NRAP: variants seen among roughly 807,000 people sequenced by gnomAD.
NRAP encodes the protein nebulin related anchoring protein.
A neutral mutation model predicts 225.9 loss-of-function variants in NRAP; 189 were observed. That is an observed-to-expected ratio of 0.84 (90% CI 0.74 to 0.94). The LOEUF (loss-of-function observed/expected upper bound fraction) is 0.94. Ranked by LOEUF, NRAP falls within the 40% of genes least tolerant of loss-of-function variation. The pLI is 0.00. For synonymous variants in NRAP, 769 were observed against 790.7 expected (o/e 0.97, Z 0.46); for missense variants, 2,176 against 2,168.7 (o/e 1.00, Z -0.07).
chr10:113,617,625 T>C (rs1395335703), intron 25 of NRAP, 72 bp from the exon 26 acceptor site: 2 of 911,362 alleles, frequency 2.2e-6, no homozygotes, highest in African/African-American at 3.2e-5. Context: ...GAGAAAATCA[T>C]AGGTTGCTTG....
intron 40 of NRAP, among the ~76,000 whole-genome samples, chr10:113,590,223 C>T (rs1845882145): frequency 6.6e-6 from 1 of 152,126 alleles, no homozygotes; most frequent in African/African-American, 2.4e-5. Flanking sequence ...CACAGCAAAC[C>T]AAAAGGGGTT....
chr10:113,601,224 A>G (rs1846579843), intron 35 of NRAP, among the ~76,000 whole-genome samples: 2 of 152,248 alleles, frequency 1.3e-5, no homozygotes, highest in Admixed American at 6.5e-5. Flanking sequence ...GGAATGAACC[A>G]TAGCCACGAG....
intron 40 of NRAP, 112 bp downstream of exon 40, chr10:113,590,466 C>A: frequency 9.7e-7 from 1 of 1,035,664 alleles, no homozygotes; most frequent in Non-Finnish European, 1.4e-6. Flanking sequence ...GTCTTGGATT[C>A]TCTCTCAGCC....
chr10:113,617,568 A>G lies in NRAP; in HGVS notation c.2875-15T>C, dbSNP rs777576314. Reference sequence around the variant, plus strand: ...CGGTACTTCTTCTGTTGAGCAGAAAAAGATCAAAGCTGTGAATTTTGTGCT... The same window carrying G: ...CGGTACTTCTTCTGTTGAGCAGAAAGAGATCAAAGCTGTGAATTTTGTGCT... On this transcript the variant is annotated splice_polypyrimidine_tract_variant and intron_variant, in intron 25 of 41. Coordinates refer to ENST00000359988, the MANE Select transcript of NRAP (RefSeq NM_198060.4). 8 of 1,513,526 alleles carry G rather than the reference A, an allele frequency of 5.3e-6. No individual in the cohort carries two copies. Among genetic ancestry groups the G allele is most frequent in the Non-Finnish European group, 1.8e-6 (2 of 1,088,296 alleles). 93.8% of individuals were successfully genotyped at this position (1,513,526 alleles called of 1,614,324 possible). A position where few individuals can be genotyped will look rare whatever the true frequency, so the allele number is the denominator to read the frequency against.
chr10:113,649,494 T>C (rs1849804764), intron 9 of NRAP, among the ~76,000 whole-genome samples: 1 of 152,246 alleles, frequency 6.6e-6, no homozygotes, highest in Non-Finnish European at 1.5e-5. Flanking sequence ...ATAATTAGCT[T>C]GTGATTGTCA....
intron 35 of NRAP, among the ~76,000 whole-genome samples, chr10:113,598,550 T>C (rs1469930208): frequency 6.6e-6 from 1 of 152,026 alleles, no homozygotes; most frequent in Non-Finnish European, 1.5e-5. Context: ...TTTCTCTCTG[T>C]GATACTCGAA....
chr10:113,589,040 C>G lies in NRAP; in HGVS notation c.5128G>C (p.Gly1710Arg), dbSNP rs1010793575. 6.2e-7 allele frequency: 1 copy of G among 1,614,106 alleles called. No homozygotes were observed. The highest frequency in any genetic ancestry group is 8.5e-7 in the Non-Finnish European group (1 of 1,180,038). ...EAVEAGDHQSGEVNPDATEIL... is the reference protein window; with the variant it reads ...EAVEAGDHQSREVNPDATEIL... ...TCAGTGGCATCTGGGTTCACCTCCCCACTCTGATGATCTCCAGCCTCCACT... is the reference window on the plus strand; with the variant it reads ...TCAGTGGCATCTGGGTTCACCTCCCGACTCTGATGATCTCCAGCCTCCACT... The change falls in exon 42 of 42, where the codon GGG (glycine) becomes CGG (arginine). Residue 1710 changes from glycine (G) to arginine (R), a missense_variant. This residue lies in a region of NRAP where 445 missense variants were observed against 426.1 expected (regional missense o/e 1.04). Transcript: ENST00000359988.
At chr10:113,614,147 G>T in intron 29 of NRAP, 36 bp downstream of exon 29, 1 of 1,378,154 alleles carries the variant, frequency 7.3e-7, no homozygotes. Context: ...GTCAGGTGGG[G>T]GCCCTGCAGC....
intron 29 of NRAP, among the ~76,000 whole-genome samples, chr10:113,613,502 C>T (rs532938471): frequency 1.3e-5 from 2 of 152,152 alleles, no homozygotes; most frequent in Non-Finnish European, 2.9e-5. Context: ...TATATAAAAG[C>T]GTTTAGCCTC....
At position 113,663,450 on chromosome 10, in the gene NRAP, GA is replaced by G. The variant is rs781142996; in HGVS notation, c.73-5del. ...GAAAACAGGCTTTATGCCATATCTA[GA>G]AATCATATAGAGAAGATTTAGCAAT... On this transcript the variant is annotated splice_polypyrimidine_tract_variant and splice_region_variant and intron_variant, in intron 1 of 41. Transcript: ENST00000359988. 27 of 1,557,372 alleles carry G rather than the reference GA, an allele frequency of 1.7e-5. No individual in the cohort carries two copies. The highest frequency in any genetic ancestry group is 2.4e-5 in the Non-Finnish European group (27 of 1,128,674).
At chr10:113,602,095 C>A (rs556810649) in intron 35 of NRAP, among the ~76,000 whole-genome samples, 2 of 152,206 alleles carry the variant, frequency 1.3e-5, no homozygotes, top group Non-Finnish European at 2.9e-5. Context: ...CCAGGCTAGT[C>A]TCGAACTTCT....
At chr10:113,619,045 GC>G (rs1405831400) in intron 25 of NRAP, among the ~76,000 whole-genome samples, 1 of 152,190 alleles carries the variant, frequency 6.6e-6, no homozygotes, top group African/African-American at 2.4e-5. Context: ...GCTGAAAGAT[GC>G]CTTGCCTTAC....
chr10:113,591,028 C>T, intron 39 of NRAP, 139 bp from the exon 40 acceptor site: 1 of 674,372 alleles, frequency 1.5e-6, no homozygotes, highest in Admixed American at 2.8e-5. Context: ...TTCAAATAGA[C>T]CTATCTGTGT....
At position 113,592,399 on chromosome 10, in the gene NRAP, T is replaced by C. The variant is rs1434518849; in HGVS notation, c.4537-98A>G. 4 of 735,626 alleles carry C rather than the reference T, an allele frequency of 5.4e-6. No individual in the cohort carries two copies. In the Admixed American group the frequency reaches 9.9e-5, roughly 18 times the overall value. 45.6% of individuals were successfully genotyped at this position (735,626 alleles called of 1,614,324 possible). On this transcript the variant is annotated intron_variant, in intron 38 of 41. Coordinates refer to ENST00000359988, the MANE Select transcript of NRAP (RefSeq NM_198060.4). ...AGGAGTGGTTCTTAACCTTTGTTGG[T>C]TCCTAGGACGGCACAGCCTATAGCT...
intron 14 of NRAP, among the ~76,000 whole-genome samples, chr10:113,637,574 T>G (rs1848947001): frequency 6.6e-6 from 1 of 152,300 alleles, no homozygotes; most frequent in South Asian, 2.1e-4. Flanking sequence ...GACCTAGAAA[T>G]AACGAAGTGC....
At position 113,624,943 on chromosome 10, in the gene NRAP, A is replaced by G. The variant is rs1225643343; in HGVS notation, c.2245-13T>C. On this transcript the variant is annotated splice_polypyrimidine_tract_variant and intron_variant, in intron 21 of 41. Transcript: ENST00000359988. Reference sequence around the variant, plus strand: ...CCTTGTAGGCCACCTGTTGGGAAAGAGCACTGAGTCAGGAGCAGGTGGCAA... The same window carrying G: ...CCTTGTAGGCCACCTGTTGGGAAAGGGCACTGAGTCAGGAGCAGGTGGCAA... 6.3e-7 allele frequency: 1 copy of G among 1,582,872 alleles called. No individual in the cohort carries two copies. The highest frequency in any genetic ancestry group is 2.2e-5 in the East Asian group (1 of 44,744).
At chr10:113,624,555 C>T (rs1336459287) in intron 22 of NRAP, among the ~76,000 whole-genome samples, 1 of 152,208 alleles carries the variant, frequency 6.6e-6, no homozygotes, top group Non-Finnish European at 1.5e-5. Context: ...GCTGTTTCAA[C>T]TCTGGCACCT....
intron 34 of NRAP, among the ~76,000 whole-genome samples, chr10:113,605,417 C>T (rs1027003975): frequency 1.3e-5 from 2 of 152,184 alleles, no homozygotes; most frequent in African/African-American, 2.4e-5. Flanking sequence ...AGATGTGTTC[C>T]GGCTGTATTG....
At position 113,645,907 on chromosome 10, in the gene NRAP, C is replaced by T. The variant is rs777815178; in HGVS notation, c.1028G>A (p.Gly343Asp). The change falls in exon 11 of 42, where the codon GGC becomes GAC. Residue 343 changes from glycine (G) to aspartate (D), a missense_variant. Coordinates refer to ENST00000359988, the MANE Select transcript of NRAP (RefSeq NM_198060.4). ...TGGAAGCGAGTGATAATGTGCAGCG[C>T]CTTTCATCTTATTGAAGTCCTGCCT... ...KYRQDFNKMK[G>D]AAHYHSLPAQ... The T allele has an allele frequency of 1.9e-6, 3 of 1,599,776 alleles. No individual in the cohort carries two copies. Among genetic ancestry groups the T allele is most frequent in the East Asian group, 2.2e-5 (1 of 44,622 alleles).
Sources: gnomAD v4.1 joint callset for allele counts (sites outside exome capture counted in the v4.1 genomes callset) on GRCh38, gnomAD v4.1.1 for gene constraint, gnomAD v4.1.1 regional missense constraint, MANE v1.5 for transcripts, NCBI Gene and HGNC (gene_info 2026-07-23, HGNC 2026-07-21) for gene names.